The following PLCXD2 variants were observed in gnomAD, a reference collection of about 807,000 sequenced individuals.
The protein encoded by PLCXD2 is phosphatidylinositol specific phospholipase C X domain containing 2, also known as PI-PLC X domain-containing protein 2.
A neutral mutation model predicts 28.6 loss-of-function variants in PLCXD2; 21 were observed. The ratio of observed to expected loss-of-function variants is 0.73; its 90% CI spans 0.52 to 1.06. PLCXD2 has a LOEUF of 1.06. Among genes scored for constraint, PLCXD2 ranks in the 50% least tolerant of loss-of-function variants. The pLI, the probability that PLCXD2 is intolerant of heterozygous loss-of-function variation, is 0.00. For missense variants in PLCXD2, 369 were observed against 376.7 expected (o/e 0.98, Z 0.17); for synonymous variants, 140 against 150.1 (o/e 0.93, Z 0.49).
At chr3:111,715,704 T>G (rs1165086552) in intron 3 of PLCXD2, among the ~76,000 whole-genome samples, 2 of 152,194 alleles carry the variant, frequency 1.3e-5, no homozygotes, top group African/African-American at 4.8e-5. Context: ...TTCAGGGAGC[T>G]TAAGTGACCC....
In PLCXD2 at chr3:111,708,168, G is replaced by A. The variant is rs149301928; in HGVS notation, c.406G>A (p.Gly136Ser). Residue 136 changes from glycine (G) to serine (S), a missense_variant, in exon 2 of 5, where the codon GGC becomes AGC. Transcript: ENST00000477665. ...GATCTACTTCATCCATGGGCTTTTT[G>A]GCATCAAGGTCTGGGATGGGCTGAT... is the stretch of plus-strand genomic sequence containing the variant. 3 of 1,614,044 alleles carry A rather than the reference G, an allele frequency of 1.9e-6. No homozygotes were observed. Among genetic ancestry groups the A allele is most frequent in the Non-Finnish European group, 2.5e-6 (3 of 1,180,036 alleles).
At chr3:111,697,224 A>C (rs1559794118) in intron 1 of PLCXD2, among the ~76,000 whole-genome samples, 1 of 152,200 alleles carries the variant, frequency 6.6e-6, no homozygotes, top group African/African-American at 2.4e-5. Context: ...ACACCTTGTC[A>C]AAAAGATGGA....
intron 1 of PLCXD2, chr3:111,691,241 A>G (rs1051497824): frequency 6.6e-6 from 1 of 152,246 alleles, no homozygotes; most frequent in Non-Finnish European, 1.5e-5. Context: ...TGCAATGATG[A>G]ATAGTCCTTC....
rs1941012407 is a variant in PLCXD2, at chr3:111,699,631, G to A, written c.164-8295G>A. On this transcript the variant is annotated intron_variant, in intron 1 of 4. Coordinates refer to ENST00000477665, the MANE Select transcript of PLCXD2 (RefSeq NM_001185106.1). Reference sequence around the variant, plus strand: ...CCTAGGAGGCAATAACTATAACACTGAGTAAAAATCTTGCTAACCTTTTCG... The same window carrying A: ...CCTAGGAGGCAATAACTATAACACTAAGTAAAAATCTTGCTAACCTTTTCG... Among the ~76,000 whole-genome samples the A allele has an allele frequency of 2.0e-5, 3 of 152,118 alleles. No homozygotes were observed. In the South Asian group the frequency reaches 6.2e-4, roughly 32 times the overall value.
chr3:111,707,105 A>G (rs1194578004), intron 1 of PLCXD2, among the ~76,000 whole-genome samples: 1 of 152,200 alleles, frequency 6.6e-6, no homozygotes, highest in African/African-American at 2.4e-5. Flanking sequence ...AAAACATTTC[A>G]TACTATCCCT....
At chr3:111,721,602 T>G (rs116105876) in intron 3 of PLCXD2, 2 of 152,284 alleles carry the variant, frequency 1.3e-5, no homozygotes, top group African/African-American at 2.4e-5. Flanking sequence ...TTCTTAAAAG[T>G]GAAAAGAACA....
chr3:111,685,698 A>C (rs868859179), intron 1 of PLCXD2, among the ~76,000 whole-genome samples: 6 of 152,212 alleles, frequency 3.9e-5, no homozygotes, highest in Non-Finnish European at 7.3e-5. Context: ...GGGAATGACC[A>C]AGTGCCCCTT....
chr3:111,683,735 G>A (rs1940751505), intron 1 of PLCXD2, among the ~76,000 whole-genome samples: 1 of 152,082 alleles, frequency 6.6e-6, no homozygotes, highest in Admixed American at 6.5e-5. Context: ...ATGCTATGTA[G>A]GATGACTGGA....
chr3:111,722,861 G>A (rs779884250), intron 3 of PLCXD2: 4 of 152,150 alleles, frequency 2.6e-5, no homozygotes, highest in African/African-American at 9.7e-5. Flanking sequence ...CTTTTAGCTT[G>A]CACCCTTGAG....
intron 1 of PLCXD2, among the ~76,000 whole-genome samples, chr3:111,694,140 T>G (rs1940927565): frequency 6.6e-6 from 1 of 152,180 alleles, no homozygotes. Flanking sequence ...CCCCCTCTGA[T>G]CCCTCTCCTT....
intron 3 of PLCXD2, 151 bp downstream of exon 3, chr3:111,714,279 A>C (rs1941239394): frequency 9.6e-7 from 1 of 1,041,074 alleles, no homozygotes; most frequent in Non-Finnish European, 1.3e-6. Flanking sequence ...AAAACCATGC[A>C]GTTGAGGTGG....
At chr3:111,720,816 C>T in intron 3 of PLCXD2, 1 of 416,832 alleles carries the variant, frequency 2.4e-6, no homozygotes, top group Non-Finnish European at 4.4e-6. Context: ...ACCTGGTGGA[C>T]TTTGCTGCGA....
chr3:111,701,125 C>A (rs957908227), intron 1 of PLCXD2, among the ~76,000 whole-genome samples: 4 of 152,146 alleles, frequency 2.6e-5, no homozygotes, highest in Non-Finnish European at 5.9e-5. Context: ...AGTTAATCAG[C>A]CCTTCACACT....
At chr3:111,705,077 A>G (rs1941098530) in intron 1 of PLCXD2, among the ~76,000 whole-genome samples, 2 of 152,028 alleles carry the variant, frequency 1.3e-5, no homozygotes, top group South Asian at 2.1e-4. Context: ...TCGGCCTCCC[A>G]AAGTACTGGG....
intron 1 of PLCXD2, among the ~76,000 whole-genome samples, chr3:111,675,610 A>G (rs1940609679): frequency 6.6e-6 from 1 of 152,184 alleles, no homozygotes; most frequent in African/African-American, 2.4e-5. Context: ...ACTCATGAAA[A>G]CAGAAGCATC....
chr3:111,713,803 T>C, intron 2 of PLCXD2, 84 bp from the exon 3 acceptor site: 1 of 1,446,030 alleles, frequency 6.9e-7, no homozygotes, highest in Non-Finnish European at 9.3e-7. Context: ...TCTTGCCTTT[T>C]TCCTAGCAGT....
chr3:111,703,706 A>T (rs1191611971), intron 1 of PLCXD2, among the ~76,000 whole-genome samples: 1 of 152,248 alleles, frequency 6.6e-6, no homozygotes, highest in Non-Finnish European at 1.5e-5. Flanking sequence ...TCTCTCAATG[A>T]GGAGGTATAA....
intron 2 of PLCXD2, among the ~76,000 whole-genome samples, chr3:111,709,092 G>GAAA (rs1277646549): frequency 1.7e-5 from 2 of 115,102 alleles, no homozygotes. Context: ...ACACTCTCTG[G>GAAA]AAAAAAAAAA....
At chr3:111,684,017 G>A (rs746155385) in intron 1 of PLCXD2, among the ~76,000 whole-genome samples, 12 of 152,032 alleles carry the variant, frequency 7.9e-5, no homozygotes, top group Non-Finnish European at 1.6e-4. Context: ...GAGTAAAGTG[G>A]CAACATACTT....
Sources: allele counts gnomAD v4.1 joint callset (sites outside exome capture counted in the v4.1 genomes callset), GRCh38; gene constraint gnomAD v4.1.1; transcripts MANE v1.5; gene names NCBI Gene and HGNC (gene_info 2026-07-23, HGNC 2026-07-21).